UVRAG: variants seen among roughly 807,000 people sequenced by gnomAD.
UVRAG encodes UV radiation resistance associated, also known as UV radiation resistance-associated gene protein.
Under a neutral mutation model 78.0 loss-of-function variants are expected in UVRAG, and 19 were observed. That is an observed-to-expected ratio of 0.24 (90% CI 0.17 to 0.36). The LOEUF (loss-of-function observed/expected upper bound fraction) is 0.36, where lower values mean the gene tolerates loss of function less well. Among genes scored for constraint, UVRAG ranks in the 10% least tolerant of loss-of-function variants. The pLI is 1.00. For synonymous variants in UVRAG, 323 were observed against 324.6 expected (o/e 1.00, Z 0.05); for missense variants, 740 against 853.8 (o/e 0.87, Z 1.66).
chr11:75,833,514 A>G (rs567978919), intron 1 of UVRAG, among the ~76,000 whole-genome samples: 1 of 152,180 alleles, frequency 6.6e-6, no homozygotes, highest in Non-Finnish European at 1.5e-5. Flanking sequence ...TATCCATAGC[A>G]TAGTTATCTG....
chr11:75,935,917 A>G (rs1039528735), intron 6 of UVRAG, among the ~76,000 whole-genome samples: 2 of 152,206 alleles, frequency 1.3e-5, no homozygotes, highest in Non-Finnish European at 2.9e-5. Context: ...CTTTATAACT[A>G]AAGGATTCCA....
chr11:75,999,395 T>A (rs1285078728), intron 8 of UVRAG, among the ~76,000 whole-genome samples: 2 of 152,004 alleles, frequency 1.3e-5, no homozygotes, highest in African/African-American at 4.8e-5. Flanking sequence ...TATTTGTTTG[T>A]TTTTTGAGAC....
chr11:76,078,447 G>T (rs58719494), intron 13 of UVRAG, among the ~76,000 whole-genome samples: 14,695 of 151,530 alleles, frequency 0.097, 1,614 homozygotes, highest in African/African-American at 0.27. Context: ...GTAAATTATT[G>T]GTTTAAAAAT....
At chr11:76,053,788 G>A (rs1210014966) in intron 12 of UVRAG, among the ~76,000 whole-genome samples, 1 of 152,050 alleles carries the variant, frequency 6.6e-6, no homozygotes, top group Admixed American at 6.6e-5. Context: ...TGGCCAACAT[G>A]GTGAAACCCC....
At chr11:75,990,731 G>A (rs141796674) in intron 8 of UVRAG, among the ~76,000 whole-genome samples, 297 of 152,216 alleles carry the variant, frequency 2.0e-3, no homozygotes, top group African/African-American at 6.8e-3. Context: ...TAGGTTAAAT[G>A]TACTACTGTG....
chr11:75,860,610 A>C (rs1946396882), intron 2 of UVRAG, among the ~76,000 whole-genome samples: 1 of 152,208 alleles, frequency 6.6e-6, no homozygotes. Context: ...AATGGTTGGA[A>C]TAATTGGTTA....
intron 6 of UVRAG, among the ~76,000 whole-genome samples, chr11:75,915,753 T>C (rs61338611): frequency 0.032 from 4,882 of 152,308 alleles, 266 homozygotes; most frequent in African/African-American, 0.11. Flanking sequence ...AGCTTTCTAA[T>C]AGGCTTATTA....
chr11:76,034,857 A>G (rs1412188568), intron 12 of UVRAG, among the ~76,000 whole-genome samples: 1 of 152,206 alleles, frequency 6.6e-6, no homozygotes, highest in Non-Finnish European at 1.5e-5. Context: ...CAGGTTCATG[A>G]TGTGGAGAGT....
chr11:75,817,842 A>G (rs11236537), intron 1 of UVRAG, among the ~76,000 whole-genome samples: 30,840 of 150,634 alleles, frequency 0.2, 5,154 homozygotes, highest in African/African-American at 0.46. Flanking sequence ...CCAGAAGTTC[A>G]AGACCAGCCT....
intron 6 of UVRAG, among the ~76,000 whole-genome samples, chr11:75,912,695 T>C (rs370774052): frequency 6.6e-6 from 1 of 152,250 alleles, no homozygotes; most frequent in Non-Finnish European, 1.5e-5. Flanking sequence ...AGATTGTTCA[T>C]TGAAATTTGA....
At chr11:75,973,288 A>C (rs1949162663) in intron 7 of UVRAG, among the ~76,000 whole-genome samples, 1 of 152,208 alleles carries the variant, frequency 6.6e-6, no homozygotes, top group Non-Finnish European at 1.5e-5. Flanking sequence ...TGCATCTATC[A>C]ATATGTATGA....
intron 7 of UVRAG, among the ~76,000 whole-genome samples, chr11:75,962,002 G>A (rs1948920316): frequency 6.6e-6 from 1 of 152,148 alleles, no homozygotes; most frequent in Non-Finnish European, 1.5e-5. Context: ...CAAAGAAATA[G>A]AAATCCTAAC....
In UVRAG at chr11:76,132,498, G is replaced by A. The variant is rs371140020; in HGVS notation, c.1398-8213G>A. Among the ~76,000 whole-genome samples, 60 of 152,060 alleles carry A rather than the reference G, an allele frequency of 3.9e-4. 1 individual carries two copies. In the East Asian group the frequency reaches 0.011, roughly 29 times the overall value. ...TCTGTCCTCATACTTTACAGTGTGG[G>A]ACCTGGTTGTAGACAGATAAAACAA... On this transcript the variant is annotated intron_variant, in intron 14 of 14. Transcript: ENST00000356136.
chr11:75,893,247 C>T (rs1281113821), intron 5 of UVRAG, among the ~76,000 whole-genome samples: 4 of 151,650 alleles, frequency 2.6e-5, no homozygotes, highest in Non-Finnish European at 5.9e-5. Flanking sequence ...ATAAACATCT[C>T]CCAAACAGAA....
chr11:76,028,481 C>T (rs1276052298), intron 12 of UVRAG, among the ~76,000 whole-genome samples: 1 of 152,058 alleles, frequency 6.6e-6, no homozygotes, highest in African/African-American at 2.4e-5. Flanking sequence ...GAAAGCTAGG[C>T]CTCTTGTGTG....
At chr11:75,934,482 A>G (rs1032781926) in intron 6 of UVRAG, among the ~76,000 whole-genome samples, 2 of 152,212 alleles carry the variant, frequency 1.3e-5, no homozygotes, top group Admixed American at 6.5e-5. Flanking sequence ...TTAATTCTAC[A>G]TTTAAAAATA....
intron 5 of UVRAG, among the ~76,000 whole-genome samples, chr11:75,908,580 G>GTATCAGGA (rs1342443478): frequency 1.3e-5 from 2 of 152,048 alleles, no homozygotes; most frequent in African/African-American, 4.8e-5. Context: ...TCTGGCTTTG[G>GTATCAGGA]TATCAGGATA....
At chr11:76,046,229 G>A (rs1950752739) in intron 12 of UVRAG, among the ~76,000 whole-genome samples, 1 of 152,112 alleles carries the variant, frequency 6.6e-6, no homozygotes, top group Non-Finnish European at 1.5e-5. Context: ...GGAAACTTCT[G>A]GAAGATGTGC....
chr11:76,024,972 G>C (rs1451358997), intron 12 of UVRAG, among the ~76,000 whole-genome samples: 2 of 152,112 alleles, frequency 1.3e-5, no homozygotes, highest in Non-Finnish European at 2.9e-5. Flanking sequence ...TCCCCTCTCT[G>C]ATTATCTATC....
Sources: gnomAD v4.1 joint callset for allele counts (sites outside exome capture counted in the v4.1 genomes callset) on GRCh38, gnomAD v4.1.1 for gene constraint, MANE v1.5 for transcripts, NCBI Gene and HGNC (gene_info 2026-07-23, HGNC 2026-07-21) for gene names.